ASXL3: variants seen among roughly 807,000 people sequenced by gnomAD.
ASXL3 encodes ASXL transcriptional regulator 3, also known as putative Polycomb group protein ASXL3.
Under a neutral mutation model 170.6 loss-of-function variants are expected in ASXL3, and 34 were observed. The ratio of observed to expected loss-of-function variants is 0.20; its 90% CI spans 0.15 to 0.27. The LOEUF (loss-of-function observed/expected upper bound fraction) is 0.27. Ranked by LOEUF, ASXL3 falls within the 10% of genes least tolerant of loss-of-function variation. The pLI is 1.00. For missense variants in ASXL3, 2,592 were observed against 2,695.3 expected (o/e 0.96, Z 0.85); for synonymous variants, 1,002 against 989.1 (o/e 1.01, Z -0.24).
At chr18:33,678,021 C>T (rs1449665603) in intron 7 of ASXL3, among the ~76,000 whole-genome samples, 1 of 152,140 alleles carries the variant, frequency 6.6e-6, no homozygotes, top group African/African-American at 2.4e-5. Context: ...TCCCAAGTAA[C>T]TGGGACTACA....
At chr18:33,693,222 T>C (rs932403584) in intron 8 of ASXL3, among the ~76,000 whole-genome samples, 5 of 152,180 alleles carry the variant, frequency 3.3e-5, no homozygotes, top group Non-Finnish European at 7.3e-5. Context: ...TTATGTTTAT[T>C]GTGCATTTGA....
At chr18:33,705,286 G>C (rs1300895562) in intron 8 of ASXL3, among the ~76,000 whole-genome samples, 1 of 151,022 alleles carries the variant, frequency 6.6e-6, no homozygotes, top group Non-Finnish European at 1.5e-5. Context: ...CACTGGGGAA[G>C]AATCAGTATT....
chr18:33,706,351 T>C (rs995297261), intron 8 of ASXL3, among the ~76,000 whole-genome samples: 8 of 151,798 alleles, frequency 5.3e-5, no homozygotes, highest in Admixed American at 5.3e-4. Context: ...ATACAAAATT[T>C]TTTGAGATAT....
chr18:33,646,092 A>G (rs1297683889), intron 3 of ASXL3, among the ~76,000 whole-genome samples, 153 bp from the exon 4 acceptor site: 1 of 150,602 alleles, frequency 6.6e-6, no homozygotes, highest in Non-Finnish European at 1.5e-5. Flanking sequence ...TTTTTTTTTT[A>G]ATGGAAGAAT....
chr18:33,634,478 C>G (rs2065735825), intron 2 of ASXL3, among the ~76,000 whole-genome samples: 1 of 151,994 alleles, frequency 6.6e-6, no homozygotes, highest in Non-Finnish European at 1.5e-5. Flanking sequence ...GGAAATATAT[C>G]TAAATCTATA....
In ASXL3 at chr18:33,745,576, C is replaced by A. The variant is rs1419763288; in HGVS notation, c.5728C>A (p.Leu1910Ile). 1.9e-6 allele frequency: 3 copies of A among 1,613,884 alleles called. No individual in the cohort carries two copies. The highest frequency in any genetic ancestry group is 1.3e-5 in the African/African-American group (1 of 74,936). ...LLPSCSFQQN[L>I]FHVDKNGGFH... ...CCCCTCGTGTAGCTTCCAGCAGAAC[C>A]TATTTCATGTTGACAAGAATGGCGG... The change falls in exon 12 of 12, where the codon CTA (leucine) becomes ATA (isoleucine). Residue 1910 changes from leucine (L) to isoleucine (I), a missense_variant. By Grantham distance (5) the Leu-to-Ile change is conservative. Around this residue, in one of 4 missense-constraint regions of ASXL3, gnomAD observed 2,246 missense variants for 2,219.6 expected, o/e 1.01. Coordinates refer to ENST00000269197, the MANE Select transcript of ASXL3 (RefSeq NM_030632.3).
intron 4 of ASXL3, among the ~76,000 whole-genome samples, chr18:33,656,156 C>T (rs545040567): frequency 6.6e-6 from 1 of 152,078 alleles, no homozygotes; most frequent in East Asian, 1.9e-4. Flanking sequence ...CAATGTACCA[C>T]AGTGTTATTC....
At chr18:33,699,352 CAATGAG>C (rs1304193820) in intron 8 of ASXL3, among the ~76,000 whole-genome samples, 1 of 151,664 alleles carries the variant, frequency 6.6e-6, no homozygotes, top group Non-Finnish European at 1.5e-5. Flanking sequence ...GAAATAGTGA[CAATGAG>C]AAATAATGAA....
chr18:33,697,685 G>C, intron 8 of ASXL3, among the ~76,000 whole-genome samples: 2 of 151,876 alleles, frequency 1.3e-5, no homozygotes, highest in East Asian at 3.9e-4. Context: ...CAACCTCTGG[G>C]CAATTTTCTC....
intron 1 of ASXL3, among the ~76,000 whole-genome samples, chr18:33,584,651 C>T (rs886522676): frequency 6.6e-6 from 1 of 152,032 alleles, no homozygotes; most frequent in Non-Finnish European, 1.5e-5. Flanking sequence ...AAATTATATA[C>T]ATTACATTTG....
At chr18:33,730,655 G>A (rs752627935) in intron 8 of ASXL3, among the ~76,000 whole-genome samples, 16 of 151,786 alleles carry the variant, frequency 1.1e-4, no homozygotes, top group South Asian at 2.1e-4. Flanking sequence ...GAACCCAGGC[G>A]GGTGAAAAGC....
At chr18:33,610,800 T>A (rs2065324957) in intron 2 of ASXL3, among the ~76,000 whole-genome samples, 1 of 149,912 alleles carries the variant, frequency 6.7e-6, no homozygotes, top group South Asian at 2.1e-4. Context: ...TATATTTTTA[T>A]GATATTTAAT....
chr18:33,666,402 T>C (rs1271757052), intron 5 of ASXL3, among the ~76,000 whole-genome samples: 1 of 152,116 alleles, frequency 6.6e-6, no homozygotes, highest in Admixed American at 6.6e-5. Flanking sequence ...TGATGTGTAA[T>C]AGAAAAAGCT....
intron 8 of ASXL3, among the ~76,000 whole-genome samples, chr18:33,716,152 A>G (rs1399869582): frequency 6.6e-6 from 1 of 152,174 alleles, no homozygotes; most frequent in Non-Finnish European, 1.5e-5. Context: ...TCAGGGATAG[A>G]GTGCAAAAGT....
At chr18:33,733,530 C>T (rs2067488424) in intron 9 of ASXL3, among the ~76,000 whole-genome samples, 1 of 152,160 alleles carries the variant, frequency 6.6e-6, no homozygotes, top group African/African-American at 2.4e-5. Flanking sequence ...ATTCAGCAGT[C>T]CTATAACTGC....
intron 5 of ASXL3, among the ~76,000 whole-genome samples, chr18:33,662,073 TG>T (rs984658712): frequency 6.6e-6 from 1 of 152,202 alleles, no homozygotes; most frequent in African/African-American, 2.4e-5. Flanking sequence ...ATAACATCTA[TG>T]TTTTTTGTGC....
At chr18:33,687,747 T>C (rs948486) in intron 8 of ASXL3, among the ~76,000 whole-genome samples, 101,619 of 152,024 alleles carry the variant, frequency 0.67, 34,951 homozygotes, top group East Asian at 0.98. Flanking sequence ...TAATTTACCC[T>C]TAGTTGTTTC....
chr18:33,691,964 A>G (rs1158630367), intron 8 of ASXL3, among the ~76,000 whole-genome samples: 1 of 152,220 alleles, frequency 6.6e-6, no homozygotes, highest in Non-Finnish European at 1.5e-5. Context: ...TTCTATATGT[A>G]GAAGCTGAGG....
chr18:33,592,009 T>C (rs1170672737), intron 1 of ASXL3, among the ~76,000 whole-genome samples: 1 of 152,158 alleles, frequency 6.6e-6, no homozygotes, highest in African/African-American at 2.4e-5. Flanking sequence ...AAACACATTT[T>C]TCCTTTAGTT....
Sources: gnomAD v4.1 joint callset for allele counts (sites outside exome capture counted in the v4.1 genomes callset) on GRCh38, gnomAD v4.1.1 for gene constraint, gnomAD v4.1.1 regional missense constraint, MANE v1.5 for transcripts, NCBI Gene and HGNC (gene_info 2026-07-23, HGNC 2026-07-21) for gene names.